The following PALLD variants were observed in gnomAD, a reference collection of about 807,000 sequenced individuals.
PALLD encodes the protein palladin.
A neutral mutation model predicts 123.5 loss-of-function variants in PALLD; 61 were observed. The observed-to-expected ratio is 0.49, with a 90% CI of 0.40 to 0.61. The LOEUF (loss-of-function observed/expected upper bound fraction) is 0.61. PALLD is among the 20% of genes least tolerant of loss of function. The pLI is 0.00. For synonymous variants in PALLD, 465 were observed against 496.4 expected (o/e 0.94, Z 0.84); for missense variants, 1,273 against 1,377.0 (o/e 0.92, Z 1.20).
chr4:168,642,526 C>G (rs1003716748), intron 2 of PALLD, among the ~76,000 whole-genome samples: 2 of 152,122 alleles, frequency 1.3e-5, no homozygotes, highest in Non-Finnish European at 2.9e-5. Flanking sequence ...CTCAGCCTCC[C>G]GAGTAGCTGG....
chr4:168,617,343 AT>A (rs1389107924), intron 2 of PALLD, among the ~76,000 whole-genome samples: 2 of 152,156 alleles, frequency 1.3e-5, no homozygotes, highest in African/African-American at 2.4e-5. Context: ...AAGAAAAAAA[AT>A]GTCTGCTTTT....
intron 10 of PALLD, among the ~76,000 whole-genome samples, chr4:168,773,970 C>G (rs1046874847): frequency 1.3e-5 from 2 of 151,854 alleles, no homozygotes; most frequent in Non-Finnish European, 2.9e-5. Flanking sequence ...CCTTTTCCTC[C>G]GTATTGTATA....
At chr4:168,571,964 C>T (rs536911492) in intron 2 of PALLD, among the ~76,000 whole-genome samples, 2 of 152,254 alleles carry the variant, frequency 1.3e-5, no homozygotes, top group South Asian at 2.1e-4. Flanking sequence ...TGGTGGTTCA[C>T]ACCTGTAATC....
intron 15 of PALLD, among the ~76,000 whole-genome samples, chr4:168,912,409 G>A (rs1197812559): frequency 6.6e-6 from 1 of 152,120 alleles, no homozygotes; most frequent in Middle Eastern, 3.2e-3. Context: ...TCTTCTGAGA[G>A]AGTGAAGGAG....
intron 10 of PALLD, among the ~76,000 whole-genome samples, chr4:168,723,707 C>A: frequency 6.6e-6 from 1 of 152,312 alleles, no homozygotes; most frequent in Admixed American, 6.5e-5. Context: ...GCAAAAGCAT[C>A]GTCCTGAGGA....
At chr4:168,772,009 A>C (rs1734522532) in intron 10 of PALLD, among the ~76,000 whole-genome samples, 1 of 152,188 alleles carries the variant, frequency 6.6e-6, no homozygotes. Flanking sequence ...AAACATCAGC[A>C]CAGGTATACT....
At chr4:168,696,255 C>T (rs1783119506) in intron 8 of PALLD, among the ~76,000 whole-genome samples, 1 of 152,088 alleles carries the variant, frequency 6.6e-6, no homozygotes, top group African/African-American at 2.4e-5. Flanking sequence ...ATTTCCAGTC[C>T]TCTTCCAGGA....
intron 2 of PALLD, among the ~76,000 whole-genome samples, chr4:168,634,810 A>C (rs1461982391): frequency 6.6e-6 from 1 of 152,100 alleles, no homozygotes; most frequent in Non-Finnish European, 1.5e-5. Flanking sequence ...TCCAACTTGA[A>C]CTTTTTTTTT....
chr4:168,905,054 G>A (rs2151316827), intron 15 of PALLD, among the ~76,000 whole-genome samples: 1 of 151,940 alleles, frequency 6.6e-6, no homozygotes, highest in Middle Eastern at 3.4e-3. Flanking sequence ...TTGAACCTGG[G>A]ATGCGGAGGT....
intron 10 of PALLD, among the ~76,000 whole-genome samples, chr4:168,755,396 G>A (rs538555737): frequency 7.9e-5 from 12 of 151,688 alleles, no homozygotes; most frequent in South Asian, 2.1e-4. Flanking sequence ...CATTTCTAAC[G>A]GGGAAAGATC....
intron 8 of PALLD, among the ~76,000 whole-genome samples, chr4:168,702,366 C>T (rs1476982469): frequency 6.6e-6 from 1 of 152,058 alleles, no homozygotes; most frequent in African/African-American, 2.4e-5. Context: ...GCCTGACCAA[C>T]ATGGTGAAAC....
At chr4:168,500,123 C>G (rs1184461280) in intron 1 of PALLD, among the ~76,000 whole-genome samples, 1 of 152,140 alleles carries the variant, frequency 6.6e-6, no homozygotes, top group Non-Finnish European at 1.5e-5. Flanking sequence ...AAAATAACAT[C>G]TACTACATGG....
At chr4:168,779,461 A>G (rs1735591566) in intron 10 of PALLD, among the ~76,000 whole-genome samples, 1 of 151,674 alleles carries the variant, frequency 6.6e-6, no homozygotes, top group Non-Finnish European at 1.5e-5. Context: ...TAAAGCTTAG[A>G]CATATAAACT....
chr4:168,656,883 G>A (rs935540195), intron 2 of PALLD, among the ~76,000 whole-genome samples: 41 of 152,216 alleles, frequency 2.7e-4, no homozygotes, highest in African/African-American at 9.9e-4. Context: ...AACAGGCATA[G>A]CAAATATGTT....
intron 2 of PALLD, among the ~76,000 whole-genome samples, chr4:168,566,459 G>A (rs11132332): frequency 0.72 from 110,016 of 151,970 alleles, 40,242 homozygotes; most frequent in East Asian, 0.85. Flanking sequence ...CACCAAGCCC[G>A]GCTAATTTTT....
intron 2 of PALLD, among the ~76,000 whole-genome samples, chr4:168,602,933 TA>T (rs57326647): frequency 0.6 from 88,964 of 148,608 alleles, 26,728 homozygotes; most frequent in East Asian, 0.87. Context: ...CCCAGCTAAT[TA>T]AAAAAAAAAA....
At chr4:168,605,268 C>T (rs1773055594) in intron 2 of PALLD, among the ~76,000 whole-genome samples, 2 of 151,488 alleles carry the variant, frequency 1.3e-5, no homozygotes, top group East Asian at 1.9e-4. Flanking sequence ...AAAAAAATAC[C>T]GATGCCTAGA....
At chr4:168,681,479 T>C in intron 4 of PALLD, 81 bp downstream of exon 4, 1 of 920,462 alleles carries the variant, frequency 1.1e-6, no homozygotes, top group Non-Finnish European at 1.8e-6. Flanking sequence ...ATGTTTGCTG[T>C]GCTTTGAAGA....
intron 2 of PALLD, among the ~76,000 whole-genome samples, chr4:168,608,141 G>T (rs1235563227): frequency 6.6e-6 from 1 of 152,316 alleles, no homozygotes; most frequent in South Asian, 2.1e-4. Flanking sequence ...GTAGAGCAGG[G>T]TCGCATTGGG....
Sources: allele counts gnomAD v4.1 joint callset (sites outside exome capture counted in the v4.1 genomes callset), GRCh38; gene constraint gnomAD v4.1.1; transcripts MANE v1.5; gene names NCBI Gene and HGNC (gene_info 2026-07-23, HGNC 2026-07-21).